Variants in GPATCH1 observed in about 807,000 individuals in gnomAD.
The protein encoded by GPATCH1 is G patch domain-containing protein 1.
GPATCH1 carries 73 observed loss-of-function variants against 114.9 expected under a neutral mutation model. That is an observed-to-expected ratio of 0.64 (90% confidence interval 0.53 to 0.77). GPATCH1 has a LOEUF of 0.77. Ranked by LOEUF, GPATCH1 falls within the 30% of genes least tolerant of loss-of-function variation. GPATCH1 has a pLI of 0.00. For synonymous variants in GPATCH1, 391 were observed against 428.4 expected (o/e 0.91, Z 1.08); for missense variants, 1,058 against 1,144.3 (o/e 0.92, Z 1.09).
chr19:33,113,889 A>C lies in GPATCH1; in HGVS notation c.2015A>C (p.His672Pro). 1 of 1,614,056 alleles carries C rather than the reference A, an allele frequency of 6.2e-7. No homozygotes were observed. Among genetic ancestry groups the C allele is most frequent in the South Asian group, 1.1e-5 (1 of 91,062 alleles). ...GCATCAAGTGAAAAAGTATCACAGC[A>C]CCGAGGTCCCGACAGTGAGTAGGGC... is the stretch of plus-strand genomic sequence containing the variant. Reference protein sequence around the residue: ...TQASSEKVSQHRGPDKSRKPS... With the variant: ...TQASSEKVSQPRGPDKSRKPS... The change falls in exon 14 of 20, where the codon CAC becomes CCC. Residue 672 changes from histidine (H) to proline (P), a missense_variant. Coordinates refer to ENST00000170564, the MANE Select transcript of GPATCH1 (RefSeq NM_018025.3).
In GPATCH1 at chr19:33,126,480, C is replaced by T; in HGVS notation, c.2620-108C>T. On this transcript the variant is annotated intron_variant, in intron 18 of 19. Transcript: ENST00000170564. The stretch of plus-strand genomic sequence containing the variant: ...TCACTCACTCTAAATGAGGTTTAAA[C>T]ATTTTTTTGAATGACTCCATCACTG... 3.3e-6 allele frequency: 5 copies of T among 1,520,068 alleles called. No homozygotes were observed. The South Asian group carries it at 4.9e-5, about 15-fold the overall frequency. The allele number at this position is 1,520,068 out of a possible 1,614,324, so 94.2% of individuals were successfully genotyped here. A position where few individuals can be genotyped will look rare whatever the true frequency, so the allele number is the denominator to read the frequency against.
rs543182808 is a variant in GPATCH1, at chr19:33,109,870, C to T, written c.1439C>T (p.Ala480Val). Residue 480 changes from alanine (A) to valine (V), a missense_variant, in exon 11 of 20, where the codon GCG becomes GTG. Physicochemically the swap from Ala to Val is moderately conservative, Grantham distance 64. This residue lies in a region of GPATCH1 where 893 missense variants were observed against 977.4 expected (regional missense o/e 0.91). Coordinates refer to ENST00000170564, the MANE Select transcript of GPATCH1 (RefSeq NM_018025.3). Reference sequence around the variant, plus strand: ...AGCAGAGCCCAGCTCTCCCCTGCAGCGGCTGCTGGGCACTGCTCTTGGAAC... The same window carrying T: ...AGCAGAGCCCAGCTCTCCCCTGCAGTGGCTGCTGGGCACTGCTCTTGGAAC... The part of the protein sequence containing the change: ...QSSRAQLSPA[A>V]AAGHCSWNMA... 16 of 1,614,110 alleles carry T rather than the reference C, an allele frequency of 9.9e-6. No individual in the cohort carries two copies. The East Asian group carries it at 2.7e-4, about 27-fold the overall frequency.
chr19:33,093,539 T>C lies in GPATCH1; in HGVS notation c.455+20T>C, dbSNP rs1414071010. 6.2e-7 allele frequency: 1 copy of C among 1,603,286 alleles called. No homozygotes were observed. ...AGCAAAGTGAGCATTTCCTTCTGAC[T>C]GTCATGATCTTAGCACCGGTGTTTT... On this transcript the variant is annotated intron_variant, in intron 4 of 19. Coordinates refer to ENST00000170564, the MANE Select transcript of GPATCH1 (RefSeq NM_018025.3).
chr19:33,120,335 A>C lies in GPATCH1; in HGVS notation c.2521+1218A>C, dbSNP rs1161304401. On this transcript the variant is annotated intron_variant, in intron 17 of 19. Transcript: ENST00000170564. ...ATACATAAAAATGATATATAAAATT[A>C]TATATAAAATTATATATTTTTATAC... 2.1e-5 allele frequency among the ~76,000 whole-genome samples: 3 copies of C among 142,718 alleles called. No individual in the cohort carries two copies. In the South Asian group the frequency reaches 6.3e-4, roughly 30 times the overall value. 93.6% of individuals were successfully genotyped at this position (142,718 alleles called of 152,430 possible). A position where few individuals can be genotyped will look rare whatever the true frequency, so the allele number is the denominator to read the frequency against.
At chr19:33,105,688 TA>T (rs1274455166) in intron 9 of GPATCH1, among the ~76,000 whole-genome samples, 2 of 151,356 alleles carry the variant, frequency 1.3e-5, no homozygotes, top group Non-Finnish European at 2.9e-5. Flanking sequence ...CACACCTGGC[TA>T]ATTTTTGTAT....
intron 3 of GPATCH1, among the ~76,000 whole-genome samples, chr19:33,093,016 C>G (rs1972613661): frequency 6.6e-6 from 1 of 151,948 alleles, no homozygotes; most frequent in African/African-American, 2.4e-5. Flanking sequence ...TAGTGAAACC[C>G]CATCTATACT....
chr19:33,111,849 C>T lies in GPATCH1; in HGVS notation c.1711C>T (p.His571Tyr), dbSNP rs1301580050. Residue 571 changes from histidine to tyrosine, a missense_variant, in exon 12 of 20, where the codon CAC becomes TAC. His to Tyr is a moderately conservative substitution (Grantham distance 83, BLOSUM62 2). Coordinates refer to ENST00000170564, the MANE Select transcript of GPATCH1 (RefSeq NM_018025.3). ...TTCGACCTTGTCCTCCAGGTTCACT[C>T]ACGCCAAGGAGGAGGATGACTCAGA... ...SHSTLSSRFTHAKEEDDSDQV... is the reference protein window; with the variant it reads ...SHSTLSSRFTYAKEEDDSDQV... 1.9e-6 allele frequency: 3 copies of T among 1,613,978 alleles called. No individual in the cohort carries two copies. In the African/African-American group the frequency reaches 4.0e-5, roughly 22 times the overall value.
At chr19:33,120,351 AT>A (rs1407840183) in intron 17 of GPATCH1, among the ~76,000 whole-genome samples, 3 of 145,566 alleles carry the variant, frequency 2.1e-5, no homozygotes, top group East Asian at 2.0e-4. Context: ...AAAATTATAT[AT>A]TTTTATACAT....
intron 17 of GPATCH1, among the ~76,000 whole-genome samples, chr19:33,119,343 C>T (rs570545908): frequency 8.5e-5 from 13 of 152,144 alleles, no homozygotes; most frequent in Admixed American, 6.6e-5. Flanking sequence ...CACATGTTTA[C>T]AGGAGGGTCC....
intron 1 of GPATCH1, among the ~76,000 whole-genome samples, chr19:33,085,554 G>T (rs1050573871): frequency 6.6e-6 from 1 of 152,106 alleles, no homozygotes; most frequent in African/African-American, 2.4e-5. Flanking sequence ...CCAACCAGGG[G>T]CTCGTTGAAA....
At chr19:33,109,435 C>A (rs899419946) in intron 10 of GPATCH1, among the ~76,000 whole-genome samples, 15 of 152,110 alleles carry the variant, frequency 9.9e-5, no homozygotes, top group Admixed American at 9.8e-4. Context: ...AGGAGAATTG[C>A]TTGAACCCAG....
chr19:33,118,134 A>G, intron 16 of GPATCH1, 93 bp downstream of exon 16: 2 of 752,190 alleles, frequency 2.7e-6, no homozygotes, highest in Non-Finnish European at 4.5e-6. Context: ...TTAAACCCGA[A>G]TGATTAGCAA....
intron 3 of GPATCH1, among the ~76,000 whole-genome samples, chr19:33,093,072 C>G (rs1238767141): frequency 1.3e-5 from 2 of 152,130 alleles, no homozygotes; most frequent in Admixed American, 1.3e-4. Flanking sequence ...CCTGTAATCC[C>G]AGCTACTTGG....
At chr19:33,109,673 TCTCATGG>T (rs1354930039) in intron 10 of GPATCH1, 37 bp from the exon 11 acceptor site, 1 of 1,264,002 alleles carries the variant, frequency 7.9e-7, no homozygotes, top group African/African-American at 1.5e-5. Flanking sequence ...AATGTGGTTG[TCTCATGG>T]CTCTTTTCAT....
At chr19:33,114,136 C>T in intron 14 of GPATCH1, 117 bp from the exon 15 acceptor site, 1 of 1,042,618 alleles carries the variant, frequency 9.6e-7, no homozygotes, top group Admixed American at 2.1e-5. Flanking sequence ...CAGGACCCTA[C>T]ACAGTGCCAG....
rs149673951 is a variant in GPATCH1, at chr19:33,094,187, C to T, written c.471C>T (p.Phe157=). The T allele has an allele frequency of 5.1e-5, 81 of 1,594,066 alleles. No homozygotes were observed. The highest frequency in any genetic ancestry group is 2.1e-4 in the African/African-American group (16 of 74,630). ...LITPAKLSVG[F]ELLRKMGWKE... is the part of the protein sequence containing the mutation. ...GCTATCCTAGATTATCTGTTGGTTT[C>T]GAATTGCTAAGAAAAATGGGTTGGA... The change falls in exon 5 of 20, where the codon TTC becomes TTT. Residue 157 remains phenylalanine, a synonymous_variant. Coordinates refer to ENST00000170564, the MANE Select transcript of GPATCH1 (RefSeq NM_018025.3).
rs752099609 is a variant in GPATCH1, at chr19:33,119,034, C to T, written c.2438C>T (p.Pro813Leu). The T allele has an allele frequency of 3.7e-6, 6 of 1,612,232 alleles. No individual in the cohort carries two copies. The highest frequency in any genetic ancestry group is 2.7e-5 in the African/African-American group (2 of 74,858). ...AHALVPAPQE[P>L]PPSFPIQKMQ... is the part of the protein sequence containing the mutation. ...GCTCTTGTGCCAGCACCCCAGGAGCCGCCACCTTCCTTCCCGATACAAAAG... is the reference window on the plus strand; with the variant it reads ...GCTCTTGTGCCAGCACCCCAGGAGCTGCCACCTTCCTTCCCGATACAAAAG... The change falls in exon 17 of 20, where the codon CCG (proline) becomes CTG (leucine). Residue 813 changes from proline to leucine, a missense_variant. This residue lies in a region of GPATCH1 where 893 missense variants were observed against 977.4 expected (regional missense o/e 0.91). Coordinates refer to ENST00000170564, the MANE Select transcript of GPATCH1 (RefSeq NM_018025.3).
intron 10 of GPATCH1, among the ~76,000 whole-genome samples, chr19:33,109,376 G>A (rs1972823229): frequency 6.6e-6 from 1 of 152,108 alleles, no homozygotes; most frequent in South Asian, 2.1e-4. Flanking sequence ...AAATTAGCCA[G>A]GCATTGTGGC....
chr19:33,109,330 G>A (rs1246629803), intron 10 of GPATCH1, among the ~76,000 whole-genome samples: 2 of 152,146 alleles, frequency 1.3e-5, no homozygotes, highest in Non-Finnish European at 2.9e-5. Context: ...CAACCTGGCC[G>A]ACATGATGAG....
Sources: gnomAD v4.1 joint callset for allele counts (sites outside exome capture counted in the v4.1 genomes callset) on GRCh38, gnomAD v4.1.1 for gene constraint, gnomAD v4.1.1 regional missense constraint, MANE v1.5 for transcripts, NCBI Gene and HGNC (gene_info 2026-07-23, HGNC 2026-07-21) for gene names.